The following ARB2A variants were observed in gnomAD, a reference collection of about 807,000 sequenced individuals.
ARB2A encodes the protein cotranscriptional regulator ARB2A.
At chr5:93,786,462 T>C in the ARB2A span, among the ~76,000 whole-genome samples, 1 of 152,236 alleles carries the variant, frequency 6.6e-6, no homozygotes, top group Non-Finnish European at 1.5e-5. Flanking sequence ...TACACTGTTA[T>C]AGCATTTTAC....
At chr5:93,768,645 A>T in the ARB2A span, among the ~76,000 whole-genome samples, 1 of 151,966 alleles carries the variant, frequency 6.6e-6, no homozygotes, top group South Asian at 2.1e-4. Flanking sequence ...CAGTGGTAAG[A>T]TCACAGCTCA....
chr5:94,047,871 T>C, the ARB2A span, among the ~76,000 whole-genome samples: 27 of 152,136 alleles, frequency 1.8e-4, no homozygotes, highest in Admixed American at 7.2e-4. Flanking sequence ...ATTTGAAGAC[T>C]AGCAACCTGT....
chr5:93,892,586 G>T, the ARB2A span, among the ~76,000 whole-genome samples: 73 of 149,830 alleles, frequency 4.9e-4, no homozygotes, highest in Non-Finnish European at 2.4e-4. Flanking sequence ...TACTACCTCT[G>T]GGGGGGGGAA....
chr5:93,696,037 G>A, the ARB2A span, among the ~76,000 whole-genome samples: 2 of 152,086 alleles, frequency 1.3e-5, no homozygotes, highest in African/African-American at 4.8e-5. Flanking sequence ...GTCTGTCGGG[G>A]GGTGGGGGAC....
chr5:93,954,474 G>A, the ARB2A span, among the ~76,000 whole-genome samples: 4 of 151,876 alleles, frequency 2.6e-5, no homozygotes, highest in African/African-American at 9.7e-5. Context: ...ATCCTACGGT[G>A]GCTCATCTGG....
At chr5:93,906,458 A>C in the ARB2A span, among the ~76,000 whole-genome samples, 166 of 151,590 alleles carry the variant, frequency 1.1e-3, no homozygotes, top group African/African-American at 3.8e-3. Flanking sequence ...CATCTGTATA[A>C]TGGGGATAAT....
At chr5:93,757,426 C>T in the ARB2A span, among the ~76,000 whole-genome samples, 5 of 152,116 alleles carry the variant, frequency 3.3e-5, no homozygotes, top group African/African-American at 4.8e-5. Context: ...GCACATTGTC[C>T]TCAGGTTATC....
At chr5:94,038,507 A>G in the ARB2A span, among the ~76,000 whole-genome samples, 1 of 152,256 alleles carries the variant, frequency 6.6e-6, no homozygotes, top group African/African-American at 2.4e-5. Flanking sequence ...ACATATTAGC[A>G]AAAGCATTTG....
chr5:94,097,370 C>T, the ARB2A span, among the ~76,000 whole-genome samples: 1 of 152,242 alleles, frequency 6.6e-6, no homozygotes, highest in Non-Finnish European at 1.5e-5. Flanking sequence ...CATCGAAGAA[C>T]TTCTGCAGAT....
chr5:93,695,833 C>T, the ARB2A span, among the ~76,000 whole-genome samples: 16 of 152,312 alleles, frequency 1.1e-4, no homozygotes, highest in South Asian at 1.9e-3. Flanking sequence ...GGCACATATA[C>T]ACTATGGAAT....
chr5:94,057,841 A>G, the ARB2A span, among the ~76,000 whole-genome samples: 1 of 152,240 alleles, frequency 6.6e-6, no homozygotes, highest in East Asian at 1.9e-4. Flanking sequence ...AGGAAGGAAG[A>G]ACCCAAACAA....
chr5:93,826,399 C>T, the ARB2A span, among the ~76,000 whole-genome samples: 1 of 152,064 alleles, frequency 6.6e-6, no homozygotes, highest in Admixed American at 6.6e-5. Context: ...AGTTAGTTCT[C>T]TCTATGTCTA....
the ARB2A span, among the ~76,000 whole-genome samples, chr5:93,682,256 A>C: frequency 6.0e-5 from 9 of 151,120 alleles, no homozygotes; most frequent in Non-Finnish European, 2.9e-5. Flanking sequence ...AAAAAAAAAA[A>C]AAAACATTTC....
chr5:94,014,117 TG>T, the ARB2A span, among the ~76,000 whole-genome samples: 1 of 152,000 alleles, frequency 6.6e-6, no homozygotes, highest in Non-Finnish European at 1.5e-5. Context: ...ACAGGGGAAG[TG>T]GAACTATCAT....
the ARB2A span, among the ~76,000 whole-genome samples, chr5:93,950,943 C>CAAAAA: frequency 8.9e-5 from 7 of 79,032 alleles, no homozygotes; most frequent in East Asian, 3.1e-4. Context: ...GACTCTGTCT[C>CAAAAA]AAAAAAAAAA....
the ARB2A span, among the ~76,000 whole-genome samples, chr5:93,852,479 T>C: frequency 1.3e-5 from 2 of 152,360 alleles, no homozygotes; most frequent in Admixed American, 6.5e-5. Context: ...TTTGTTAATT[T>C]TGGCTTTTGT....
At chr5:93,867,367 T>C in the ARB2A span, among the ~76,000 whole-genome samples, 10 of 152,356 alleles carry the variant, frequency 6.6e-5, no homozygotes, top group African/African-American at 2.4e-4. Flanking sequence ...GGGGATTTTC[T>C]GAAATTTCAC....
At chr5:93,949,757 G>C in the ARB2A span, among the ~76,000 whole-genome samples, 1 of 151,798 alleles carries the variant, frequency 6.6e-6, no homozygotes, top group African/African-American at 2.4e-5. Context: ...TCTCACTATA[G>C]CTTTGTACCC....
the ARB2A span, among the ~76,000 whole-genome samples, chr5:93,752,309 T>C: frequency 2.6e-5 from 4 of 152,220 alleles, no homozygotes; most frequent in Non-Finnish European, 2.9e-5. Context: ...ATGAAGCTAT[T>C]CCTATGGGGG....
Sources: gnomAD v4.1 joint callset for allele counts (sites outside exome capture counted in the v4.1 genomes callset) on GRCh38, gnomAD v4.1.1 for gene constraint, MANE v1.5 for transcripts, NCBI Gene and HGNC (gene_info 2026-07-23, HGNC 2026-07-21) for gene names.